ANKS1B: variants seen among roughly 807,000 people sequenced by gnomAD.
The protein encoded by ANKS1B is ankyrin repeat and sterile alpha motif domain containing 1B.
ANKS1B carries 36 observed loss-of-function variants against 148.3 expected under a neutral mutation model. The observed-to-expected ratio is 0.24, with a 90% confidence interval of 0.19 to 0.32. The LOEUF is 0.32. ANKS1B is among the 10% of genes least tolerant of loss of function. The probability of loss-of-function intolerance (pLI) is 1.00; values close to 1 mark genes in which losing one functional copy is unlikely to be tolerated. For synonymous variants in ANKS1B, 542 were observed against 560.8 expected (o/e 0.97, Z 0.47); for missense variants, 1,157 against 1,542.6 (o/e 0.75, Z 4.19).
At chr12:99,043,888 G>A (rs987747691) in intron 17 of ANKS1B, among the ~76,000 whole-genome samples, 2 of 152,118 alleles carry the variant, frequency 1.3e-5, no homozygotes. Flanking sequence ...CCATGGCACC[G>A]TGTATGTTAG....
At chr12:99,346,002 G>A (rs1385378556) in intron 12 of ANKS1B, among the ~76,000 whole-genome samples, 1 of 151,956 alleles carries the variant, frequency 6.6e-6, no homozygotes, top group African/African-American at 2.4e-5. Context: ...TGGGCTACTG[G>A]CATTATTTTT....
rs1485439931 is a variant in ANKS1B, at chr12:99,648,010, A to T, written c.1272+7057T>A. 3 of 935,218 alleles carry T rather than the reference A, an allele frequency of 3.2e-6. No individual in the cohort carries two copies. The African/African-American group carries it at 5.0e-5, about 16-fold the overall frequency. The allele number at this position is 935,218 out of a possible 1,614,324, so 57.9% of individuals were successfully genotyped here. Reference sequence around the variant, plus strand: ...TGGCATTGAGCGGTTGGTAATCAATACCCCACCCTCCCTGTTCTCAGTCAC... The same window carrying T: ...TGGCATTGAGCGGTTGGTAATCAATTCCCCACCCTCCCTGTTCTCAGTCAC... On this transcript the variant is annotated intron_variant, in intron 9 of 26. Transcript: ENST00000683438.
intron 14 of ANKS1B, among the ~76,000 whole-genome samples, chr12:99,187,098 A>G (rs2079972627): frequency 6.6e-6 from 1 of 151,894 alleles, no homozygotes; most frequent in African/African-American, 2.4e-5. Context: ...GAGATTGAAG[A>G]TCAACTTAAT....
intron 1 of ANKS1B, among the ~76,000 whole-genome samples, chr12:99,940,099 T>A (rs1385551590): frequency 6.6e-6 from 1 of 152,118 alleles, no homozygotes; most frequent in East Asian, 1.9e-4. Context: ...TTTCCAAAAA[T>A]TGCAAGAAAT....
At chr12:99,198,279 T>C (rs1439429718) in intron 14 of ANKS1B, among the ~76,000 whole-genome samples, 2 of 152,222 alleles carry the variant, frequency 1.3e-5, no homozygotes, top group South Asian at 2.1e-4. Flanking sequence ...AGGTAAAGCA[T>C]GTTGAGCACA....
intron 17 of ANKS1B, among the ~76,000 whole-genome samples, chr12:98,855,754 A>AT (rs139846381): frequency 0.17 from 25,601 of 152,074 alleles, 2,344 homozygotes; most frequent in Admixed American, 0.21. Flanking sequence ...TTGGCCAGTG[A>AT]TTTTTTTTAA....
intron 12 of ANKS1B, among the ~76,000 whole-genome samples, chr12:99,319,992 T>TTTTCTTTAAGAAC (rs1408720159): frequency 6.6e-6 from 1 of 152,236 alleles, no homozygotes; most frequent in African/African-American, 2.4e-5. Context: ...TTGAAAGTTC[T>TTTTCTTTAAGAAC]TTTCTTTAAG....
At chr12:99,253,640 A>G (rs1034986422) in intron 12 of ANKS1B, among the ~76,000 whole-genome samples, 1 of 152,216 alleles carries the variant, frequency 6.6e-6, no homozygotes, top group Admixed American at 6.5e-5. Context: ...AAACAGAAAG[A>G]CACGAGCCCA....
chr12:99,368,903 G>A (rs910826899), intron 12 of ANKS1B, among the ~76,000 whole-genome samples: 1 of 152,108 alleles, frequency 6.6e-6, no homozygotes, highest in African/African-American at 2.4e-5. Context: ...GAGATTAACA[G>A]CCAATAAACG....
chr12:98,791,213 C>G (rs768604581), intron 22 of ANKS1B, among the ~76,000 whole-genome samples: 2 of 151,808 alleles, frequency 1.3e-5, no homozygotes, highest in African/African-American at 2.4e-5. Flanking sequence ...GACGTGGTGG[C>G]GGATGCCTGT....
chr12:99,345,700 T>A (rs559234444), intron 12 of ANKS1B, among the ~76,000 whole-genome samples: 36 of 151,876 alleles, frequency 2.4e-4, no homozygotes, highest in African/African-American at 8.4e-4. Context: ...GGGAAGAACA[T>A]GTAAGGGAAG....
At chr12:99,463,451 T>G (rs1330803530) in intron 10 of ANKS1B, among the ~76,000 whole-genome samples, 1 of 152,162 alleles carries the variant, frequency 6.6e-6, no homozygotes, top group Non-Finnish European at 1.5e-5. Flanking sequence ...GGACAGTGGG[T>G]GCAGCACACC....
intron 8 of ANKS1B, among the ~76,000 whole-genome samples, chr12:99,711,805 A>G (rs1014803570): frequency 5.3e-5 from 8 of 152,198 alleles, no homozygotes; most frequent in African/African-American, 1.7e-4. Context: ...TCAAAGATCT[A>G]AAGACAGAAA....
At chr12:99,169,599 G>A (rs746321946) in intron 14 of ANKS1B, among the ~76,000 whole-genome samples, 2 of 152,084 alleles carry the variant, frequency 1.3e-5, no homozygotes, top group Non-Finnish European at 2.9e-5. Context: ...TATTTATTGG[G>A]CACCTACTAT....
At chr12:99,403,334 T>C (rs1164870991) in intron 11 of ANKS1B, among the ~76,000 whole-genome samples, 2 of 142,552 alleles carry the variant, frequency 1.4e-5, no homozygotes, top group African/African-American at 2.7e-5. Flanking sequence ...TTTCTGTCTT[T>C]TTAGTAGAGA....
chr12:99,262,382 GAA>G (rs1203962834), intron 12 of ANKS1B, among the ~76,000 whole-genome samples: 1 of 152,006 alleles, frequency 6.6e-6, no homozygotes, highest in Non-Finnish European at 1.5e-5. Flanking sequence ...CTGATGGGGT[GAA>G]ATAAATATAT....
chr12:99,738,067 C>T (rs977286984), intron 8 of ANKS1B, among the ~76,000 whole-genome samples: 2 of 152,118 alleles, frequency 1.3e-5, no homozygotes, highest in Admixed American at 1.3e-4. Context: ...CTCATTTAAT[C>T]ATTACAGAAT....
At chr12:99,413,130 T>C (rs2094774232) in intron 11 of ANKS1B, among the ~76,000 whole-genome samples, 1 of 152,174 alleles carries the variant, frequency 6.6e-6, no homozygotes, top group African/African-American at 2.4e-5. Flanking sequence ...TTAAGAGACG[T>C]GGACATTCTT....
At position 99,287,804 on chromosome 12, in the gene ANKS1B, T is replaced by A. The variant is rs2079342894; in HGVS notation, c.1757-40940A>T. ...CAGCATCTTGCAATAGCAGAGTTGA[T>A]CAAACAGAAGAAAGAATTACTGAGC... On this transcript the variant is annotated intron_variant, in intron 12 of 26. Coordinates refer to ENST00000683438, the MANE Select transcript of ANKS1B (RefSeq NM_001352186.2). 3.3e-5 allele frequency among the ~76,000 whole-genome samples: 5 copies of A among 152,144 alleles called. No homozygotes were observed. In the South Asian group the frequency reaches 8.3e-4, roughly 25 times the overall value.
Sources: allele counts gnomAD v4.1 joint callset (sites outside exome capture counted in the v4.1 genomes callset), GRCh38; gene constraint gnomAD v4.1.1; transcripts MANE v1.5; gene names NCBI Gene and HGNC (gene_info 2026-07-23, HGNC 2026-07-21).